The following TSPAN11 variants were observed in gnomAD, a reference collection of about 807,000 sequenced individuals.
TSPAN11 encodes the protein tetraspanin 11.
In TSPAN11, 29 loss-of-function variants were observed where a neutral mutation model predicts 32.9. That is an observed-to-expected ratio of 0.88 (90% confidence interval 0.66 to 1.20). TSPAN11 has a LOEUF of 1.20. TSPAN11 is among the 50% of genes most tolerant of loss of function. The probability of loss-of-function intolerance (pLI) is 0.00; values close to 1 mark genes in which losing one functional copy is unlikely to be tolerated. For synonymous variants in TSPAN11, 140 were observed against 141.3 expected, an observed-to-expected ratio of 0.99 and a Z score of 0.07; for missense variants, 283 against 329.1, an observed-to-expected ratio of 0.86 and a Z score of 1.08.
downstream of TSPAN11, among the ~76,000 whole-genome samples, chr12:30,999,738 G>A (rs974708340): frequency 2.0e-5 from 3 of 152,090 alleles, no homozygotes; most frequent in African/African-American, 7.2e-5. Flanking sequence ...TGGTTGGACT[G>A]GCCCTGCTCT....
chr12:30,943,900 A>C (rs1312385484), intron 1 of TSPAN11, among the ~76,000 whole-genome samples: 1 of 152,220 alleles, frequency 6.6e-6, no homozygotes, highest in East Asian at 1.9e-4. Flanking sequence ...GCTGTAACCA[A>C]GTTTCATTAG....
chr12:31,005,139 A>G, the TSPAN11 span, among the ~76,000 whole-genome samples: 2 of 152,328 alleles, frequency 1.3e-5, no homozygotes, highest in African/African-American at 4.8e-5. Flanking sequence ...CCCCACACTT[A>G]GGGAAAAAAG....
intron 1 of TSPAN11, among the ~76,000 whole-genome samples, chr12:30,934,632 A>ATT (rs36120080): frequency 8.9e-4 from 123 of 138,064 alleles, no homozygotes; most frequent in Admixed American, 5.7e-3. Flanking sequence ...ATATTATGAG[A>ATT]TTTTTTTTTT....
At chr12:30,937,013 C>G (rs1938058614) in intron 1 of TSPAN11, among the ~76,000 whole-genome samples, 1 of 152,240 alleles carries the variant, frequency 6.6e-6, no homozygotes, top group African/African-American at 2.4e-5. Context: ...AAATTGGAAA[C>G]TTGGAGAAGA....
At chr12:30,964,734 A>G (rs1938693222) in intron 3 of TSPAN11, among the ~76,000 whole-genome samples, 1 of 152,224 alleles carries the variant, frequency 6.6e-6, no homozygotes, top group East Asian at 1.9e-4. Context: ...TCACACTTTA[A>G]AACAATTAAC....
chr12:30,953,927 G>T, intron 1 of TSPAN11, 54 bp from the exon 2 acceptor site: 1 of 1,366,220 alleles, frequency 7.3e-7, no homozygotes. Flanking sequence ...GCTCTGGGAA[G>T]GACAAGGTGG....
Position 30,939,238 on chromosome 12 carries a change from C to CAAAA in TSPAN11, c.-12+12455_-12+12458dup, listed in dbSNP as rs34239881. Among the ~76,000 whole-genome samples, 106 of 136,942 alleles carry CAAAA rather than the reference C, an allele frequency of 7.7e-4. 2 individuals carry two copies. Among genetic ancestry groups the CAAAA allele is most frequent in the African/African-American group, 1.9e-3 (68 of 35,742 alleles). The allele number at this position is 136,942 out of a possible 152,430, so 89.8% of individuals were successfully genotyped here. A position where few individuals can be genotyped will look rare whatever the true frequency, so the allele number is the denominator to read the frequency against. The stretch of plus-strand genomic sequence containing the variant: ...CCTGGGCGACAGAGCAAGACTCCAT[C>CAAAA]AAAAAAAAAAAAAAAATCCAGAAGG... On this transcript the variant is annotated intron_variant, in intron 1 of 7. Transcript: ENST00000546076.
At chr12:30,948,764 A>G in intron 1 of TSPAN11, among the ~76,000 whole-genome samples, 1 of 152,202 alleles carries the variant, frequency 6.6e-6, no homozygotes, top group East Asian at 1.9e-4. Context: ...TTGGGGATTA[A>G]CATTTGGCTC....
In TSPAN11 at chr12:30,995,042, G is replaced by T. The variant is rs1477037119; in HGVS notation, c.*3127G>T. On this transcript the variant is annotated 3_prime_UTR_variant, in exon 8 of 8. Transcript: ENST00000546076. ...CAGCACCCATGGCACATGGGCCGGG[G>T]GTGCAGAAGCCTGGCTTATTTCAGG... is the stretch of plus-strand genomic sequence containing the variant. 2 of 152,236 alleles carry T rather than the reference G, an allele frequency of 1.3e-5. No individual in the cohort carries two copies. Among genetic ancestry groups the T allele is most frequent in the Admixed American group, 6.5e-5 (1 of 15,290 alleles). 9.4% of individuals were successfully genotyped at this position (152,236 alleles called of 1,614,324 possible).
chr12:30,981,370 C>T (rs1304875259), intron 5 of TSPAN11, among the ~76,000 whole-genome samples: 1 of 152,200 alleles, frequency 6.6e-6, no homozygotes, highest in Non-Finnish European at 1.5e-5. Context: ...CCACTGATGG[C>T]GCCGGGCTCT....
intron 3 of TSPAN11, among the ~76,000 whole-genome samples, chr12:30,968,936 C>T (rs973820621): frequency 1.3e-5 from 2 of 152,152 alleles, no homozygotes; most frequent in Non-Finnish European, 2.9e-5. Flanking sequence ...TCGGGTAAGT[C>T]ACTCAGCTTC....
intron 1 of TSPAN11, among the ~76,000 whole-genome samples, chr12:30,929,638 G>A (rs1937876424): frequency 6.6e-6 from 1 of 152,110 alleles, no homozygotes; most frequent in Admixed American, 6.6e-5. Context: ...CCCAGTAGAT[G>A]TCCACTCAGC....
intron 1 of TSPAN11, among the ~76,000 whole-genome samples, chr12:30,941,174 A>G (rs539944210): frequency 3.3e-5 from 5 of 152,352 alleles, no homozygotes; most frequent in Admixed American, 2.6e-4. Context: ...TCAAAAATAC[A>G]GTATTTGCAG....
At position 30,991,814 on chromosome 12, in the gene TSPAN11, G is replaced by T; in HGVS notation, c.703-42G>T. The T allele has an allele frequency of 1.9e-6, 3 of 1,612,768 alleles. No homozygotes were observed. The African/African-American group carries it at 4.0e-5, about 21-fold the overall frequency. ...CCCTGAGGGCCGGCAGCTTCCAGGAGTTCTGATTTCTCTTTGCTCCTCTGC... is the reference window on the plus strand; with the variant it reads ...CCCTGAGGGCCGGCAGCTTCCAGGATTTCTGATTTCTCTTTGCTCCTCTGC... On this transcript the variant is annotated intron_variant, in intron 7 of 7. Coordinates refer to ENST00000546076, the MANE Select transcript of TSPAN11 (RefSeq NM_001370302.1).
At chr12:30,979,793 C>G (rs1939052266) in intron 5 of TSPAN11, 123 bp downstream of exon 5, 1 of 929,158 alleles carries the variant, frequency 1.1e-6, no homozygotes, top group African/African-American at 1.7e-5. Context: ...AATGTCACAT[C>G]CTTAAAATGA....
chr12:31,010,255 T>A, the TSPAN11 span, among the ~76,000 whole-genome samples: 1 of 152,214 alleles, frequency 6.6e-6, no homozygotes, highest in African/African-American at 2.4e-5. Context: ...GGTCAAATTC[T>A]GATGCCATGT....
chr12:30,966,770 G>A (rs1431481482), intron 3 of TSPAN11, among the ~76,000 whole-genome samples: 1 of 152,226 alleles, frequency 6.6e-6, no homozygotes, highest in African/African-American at 2.4e-5. Context: ...TAACAAGGGA[G>A]GGTCCCCTCC....
the TSPAN11 span, among the ~76,000 whole-genome samples, chr12:31,007,039 G>A: frequency 4.6e-5 from 7 of 152,146 alleles, no homozygotes; most frequent in East Asian, 1.9e-4. Context: ...GTCTCCCATC[G>A]GTGTAGGGGG....
intron 1 of TSPAN11, among the ~76,000 whole-genome samples, chr12:30,948,654 T>A (rs1938319195): frequency 6.6e-6 from 1 of 152,184 alleles, no homozygotes; most frequent in Non-Finnish European, 1.5e-5. Context: ...CCTGGACTCG[T>A]CCCACAAAAC....
Sources: gnomAD v4.1 joint callset for allele counts (sites outside exome capture counted in the v4.1 genomes callset) on GRCh38, gnomAD v4.1.1 for gene constraint, MANE v1.5 for transcripts, NCBI Gene and HGNC (gene_info 2026-07-23, HGNC 2026-07-21) for gene names.